CPNE4: variants seen among roughly 807,000 people sequenced by gnomAD.
CPNE4 encodes copine-4.
In CPNE4, 25 loss-of-function variants were observed where a neutral mutation model predicts 67.9. The ratio of observed to expected loss-of-function variants is 0.37; its 90% confidence interval spans 0.27 to 0.51. The LOEUF (loss-of-function observed/expected upper bound fraction) is 0.51. CPNE4 is among the 20% of genes least tolerant of loss of function. CPNE4 has a pLI of 0.93. For synonymous variants in CPNE4, 242 were observed against 244.9 expected, an observed-to-expected ratio of 0.99 and a Z score of 0.11; for missense variants, 464 against 690.8, an observed-to-expected ratio of 0.67 and a Z score of 3.68.
intron 2 of CPNE4, among the ~76,000 whole-genome samples, chr3:131,825,250 C>G (rs2085109040): frequency 6.6e-6 from 1 of 152,100 alleles, no homozygotes; most frequent in African/African-American, 2.4e-5. Flanking sequence ...GTAATCCTAG[C>G]ACTTTGTGGG....
intron 1 of CPNE4, among the ~76,000 whole-genome samples, chr3:131,988,329 T>C (rs1255467109): frequency 6.6e-6 from 1 of 152,184 alleles, no homozygotes; most frequent in Non-Finnish European, 1.5e-5. Flanking sequence ...AGGATTCTGG[T>C]CTTTGTCTTA....
intron 7 of CPNE4, among the ~76,000 whole-genome samples, chr3:131,663,420 T>C (rs1227518321): frequency 1.1e-4 from 16 of 151,978 alleles, no homozygotes; most frequent in Admixed American, 9.2e-4. Flanking sequence ...ATAGCCCGTG[T>C]ATACCTACAT....
chr3:131,773,008 C>A (rs944496489), intron 2 of CPNE4, among the ~76,000 whole-genome samples: 10 of 152,118 alleles, frequency 6.6e-5, no homozygotes, highest in Non-Finnish European at 1.3e-4. Context: ...ACTGAACTAA[C>A]ACTTGGGTAG....
At chr3:131,556,656 G>GAATTTTAATTATTAAAATGTGGCTATGA (rs2107652918) in intron 11 of CPNE4, among the ~76,000 whole-genome samples, 1 of 152,050 alleles carries the variant, frequency 6.6e-6, no homozygotes, top group Admixed American at 6.6e-5. Context: ...CATAATCCAT[G>GAATTTTAATTATTAAAATGTGGCTATGA]AATTTTAATT....
intron 1 of CPNE4, among the ~76,000 whole-genome samples, chr3:131,977,225 A>G (rs933215552): frequency 1.3e-5 from 2 of 152,194 alleles, no homozygotes; most frequent in African/African-American, 2.4e-5. Context: ...AGCATCTTGG[A>G]GCTAAAGGGT....
chr3:131,732,055 ATAC>A (rs2082140222), intron 2 of CPNE4, among the ~76,000 whole-genome samples: 1 of 152,164 alleles, frequency 6.6e-6, no homozygotes, highest in South Asian at 2.1e-4. Flanking sequence ...AGAACCAATA[ATAC>A]TATATTCCAA....
intron 11 of CPNE4, among the ~76,000 whole-genome samples, chr3:131,559,992 AT>A (rs965864250): frequency 1.3e-5 from 2 of 152,146 alleles, no homozygotes; most frequent in South Asian, 2.1e-4. Context: ...ACATTTTAAT[AT>A]TTTTTTTAAA....
In CPNE4 at chr3:131,898,471, G is replaced by A. The variant is rs139181734; in HGVS notation, c.180+6793C>T. 1.4e-4 allele frequency among the ~76,000 whole-genome samples: 21 copies of A among 152,158 alleles called. No homozygotes were observed. The East Asian group carries it at 3.7e-3, about 27-fold the overall frequency. On this transcript the variant is annotated intron_variant, in intron 2 of 15. Coordinates refer to ENST00000429747, the MANE Select transcript of CPNE4 (RefSeq NM_130808.3). ...TCTGGCTGATGAAATTATCTTCAGG[G>A]CATACAAAAGAATTAATTAAGAGGC... is the stretch of plus-strand genomic sequence containing the variant.
At position 131,879,034 on chromosome 3, in the gene CPNE4, T is replaced by C. The variant is rs550999384; in HGVS notation, c.180+26230A>G. The stretch of plus-strand genomic sequence containing the variant: ...AAAGTACAACTGACGCTGTCTCCTA[T>C]TGCATTGATATCGTGCGTCTGTTTC... On this transcript the variant is annotated intron_variant, in intron 2 of 15. Transcript: ENST00000429747. 3.8e-4 allele frequency among the ~76,000 whole-genome samples: 58 copies of C among 152,362 alleles called. No homozygotes were observed. The South Asian group carries it at 8.1e-3, about 21-fold the overall frequency.
intron 2 of CPNE4, among the ~76,000 whole-genome samples, chr3:131,903,430 C>T (rs2088625221): frequency 6.6e-6 from 1 of 151,744 alleles, no homozygotes; most frequent in Admixed American, 6.6e-5. Flanking sequence ...AACAGACAAA[C>T]TTAAAATCAG....
intron 5 of CPNE4, among the ~76,000 whole-genome samples, chr3:131,688,600 T>C (rs1042872476): frequency 6.6e-6 from 1 of 152,212 alleles, no homozygotes; most frequent in Non-Finnish European, 1.5e-5. Flanking sequence ...TTTAAATAGA[T>C]TGTTGGTCCC....
intron 1 of CPNE4, among the ~76,000 whole-genome samples, chr3:132,016,383 C>G (rs1310716720): frequency 6.6e-6 from 1 of 152,222 alleles, no homozygotes; most frequent in Non-Finnish European, 1.5e-5. Context: ...TTCAACTTAG[C>G]TTTCCACTGT....
At chr3:131,837,810 G>A (rs186273272) in intron 2 of CPNE4, among the ~76,000 whole-genome samples, 1 of 151,876 alleles carries the variant, frequency 6.6e-6, no homozygotes, top group Non-Finnish European at 1.5e-5. Context: ...TTGTACTAAG[G>A]TTATTTATAT....
At chr3:131,708,794 G>A (rs904254601) in intron 3 of CPNE4, among the ~76,000 whole-genome samples, 4 of 151,680 alleles carry the variant, frequency 2.6e-5, no homozygotes, top group Non-Finnish European at 4.4e-5. Context: ...TACTGAGGAT[G>A]CAGGAAAAAA....
intron 7 of CPNE4, among the ~76,000 whole-genome samples, chr3:131,589,230 G>A (rs1013093885): frequency 6.6e-5 from 10 of 152,092 alleles, no homozygotes; most frequent in African/African-American, 1.4e-4. Flanking sequence ...CTCAAAACCC[G>A]GGAAACTCAC....
At chr3:131,837,516 T>C (rs2085605353) in intron 2 of CPNE4, among the ~76,000 whole-genome samples, 1 of 152,094 alleles carries the variant, frequency 6.6e-6, no homozygotes, top group Non-Finnish European at 1.5e-5. Context: ...GGATTAGTGA[T>C]GCCAAAGTTG....
chr3:131,598,255 T>G (rs1939005483), intron 7 of CPNE4, among the ~76,000 whole-genome samples: 1 of 152,210 alleles, frequency 6.6e-6, no homozygotes, highest in Admixed American at 6.5e-5. Context: ...AGTTTCCTAC[T>G]CTATAAAATA....
intron 2 of CPNE4, among the ~76,000 whole-genome samples, chr3:131,851,132 C>A (rs1045700507): frequency 3.3e-5 from 5 of 151,900 alleles, no homozygotes; most frequent in Admixed American, 2.0e-4. Flanking sequence ...CCATTAGGTA[C>A]ATGTATGTAT....
intron 2 of CPNE4, among the ~76,000 whole-genome samples, chr3:131,743,987 A>G (rs967728090): frequency 1.3e-5 from 2 of 148,700 alleles, no homozygotes; most frequent in African/African-American, 4.9e-5. Context: ...AAAAAAAACA[A>G]TAAAAGCATT....
Sources: gnomAD v4.1 joint callset for allele counts (sites outside exome capture counted in the v4.1 genomes callset) on GRCh38, gnomAD v4.1.1 for gene constraint, MANE v1.5 for transcripts, NCBI Gene and HGNC (gene_info 2026-07-23, HGNC 2026-07-21) for gene names.